GCNT1: variants seen among roughly 807,000 people sequenced by gnomAD.
GCNT1 encodes glucosaminyl (N-acetyl) transferase 1.
Under a neutral mutation model 26.2 loss-of-function variants are expected in GCNT1, and 16 were observed. The observed-to-expected ratio is 0.61, with a 90% confidence interval of 0.41 to 0.93. The LOEUF is 0.93. Among genes scored for constraint, GCNT1 ranks in the 40% least tolerant of loss-of-function variants. GCNT1 has a pLI of 0.00. For synonymous variants in GCNT1, 183 were observed against 190.8 expected (o/e 0.96, Z 0.34); for missense variants, 477 against 526.7 (o/e 0.91, Z 0.92).
chr9:76,477,585 A>C (rs1399855204), intron 2 of GCNT1, among the ~76,000 whole-genome samples: 1 of 152,136 alleles, frequency 6.6e-6, no homozygotes, highest in Non-Finnish European at 1.5e-5. Flanking sequence ...CCTGCTCTGA[A>C]GGTGCATCTA....
At chr9:76,494,628 G>A (rs1824852569) in intron 2 of GCNT1, among the ~76,000 whole-genome samples, 1 of 152,148 alleles carries the variant, frequency 6.6e-6, no homozygotes, top group Non-Finnish European at 1.5e-5. Flanking sequence ...GAGTCCTGAA[G>A]TTTATACTAG....
chr9:76,442,613 A>G (rs1336915000), intron 1 of GCNT1, among the ~76,000 whole-genome samples: 33 of 152,156 alleles, frequency 2.2e-4, no homozygotes, highest in Non-Finnish European at 2.9e-5. Flanking sequence ...CCCGTGAGGC[A>G]GAGGTTGCAG....
At chr9:76,470,809 C>T (rs1329105510) in intron 2 of GCNT1, among the ~76,000 whole-genome samples, 1 of 151,996 alleles carries the variant, frequency 6.6e-6, no homozygotes, top group Non-Finnish European at 1.5e-5. Context: ...GTGCAATTTG[C>T]AGACGTCTTC....
chr9:76,463,481 T>G (rs1407325945), intron 2 of GCNT1, among the ~76,000 whole-genome samples: 18 of 152,200 alleles, frequency 1.2e-4, no homozygotes, highest in Admixed American at 1.2e-3. Context: ...CTTCCTTGAT[T>G]GTTCTTCTGT....
chr9:76,468,638 C>G (rs962251730), intron 2 of GCNT1, among the ~76,000 whole-genome samples: 1 of 152,136 alleles, frequency 6.6e-6, no homozygotes, highest in South Asian at 2.1e-4. Context: ...TTGCCAGATA[C>G]GTAAGAGTGG....
chr9:76,468,721 T>C (rs1472128079), intron 2 of GCNT1, among the ~76,000 whole-genome samples: 1 of 152,176 alleles, frequency 6.6e-6, no homozygotes, highest in East Asian at 1.9e-4. Flanking sequence ...CTTTCCAATT[T>C]TGCTATGCCT....
At position 76,496,652 on chromosome 9, in the gene GCNT1, TC is replaced by T. The variant is rs532949561; in HGVS notation, c.-289-4261del. Among the ~76,000 whole-genome samples, 8 of 152,314 alleles carry T rather than the reference TC, an allele frequency of 5.3e-5. No homozygotes were observed. In the South Asian group the frequency reaches 1.7e-3, roughly 32 times the overall value. On this transcript the variant is annotated intron_variant, in intron 2 of 3. Coordinates refer to ENST00000376730, the MANE Select transcript of GCNT1 (RefSeq NM_001490.5). ...GGGCACCTGATACCTATCTTCTTTTTCCCTTCCTTGACTAGCTTTCCTTCTT... is the reference window on the plus strand; with the variant it reads ...GGGCACCTGATACCTATCTTCTTTTTCCTTCCTTGACTAGCTTTCCTTCTT...
At chr9:76,427,907 G>A (rs1203734294) in intron 1 of GCNT1, among the ~76,000 whole-genome samples, 1 of 152,084 alleles carries the variant, frequency 6.6e-6, no homozygotes, top group African/African-American at 2.4e-5. Flanking sequence ...GCTTGAACCC[G>A]GGAGGTGGAA....
At chr9:76,414,608 T>A in the GCNT1 span, among the ~76,000 whole-genome samples, 1 of 152,208 alleles carries the variant, frequency 6.6e-6, no homozygotes, top group East Asian at 1.9e-4. Context: ...AGAAAAAGGA[T>A]GAAGAGTTTC....
intron 2 of GCNT1, among the ~76,000 whole-genome samples, chr9:76,475,127 A>G (rs1242397758): frequency 6.6e-6 from 1 of 152,110 alleles, no homozygotes; most frequent in Non-Finnish European, 1.5e-5. Context: ...ACATCATCTC[A>G]CATACCTCTT....
chr9:76,499,288 C>T (rs766344030), intron 2 of GCNT1, among the ~76,000 whole-genome samples: 17 of 152,008 alleles, frequency 1.1e-4, no homozygotes, highest in Middle Eastern at 3.4e-3. Context: ...CCACTACGCC[C>T]GGCTAATTTT....
intron 2 of GCNT1, among the ~76,000 whole-genome samples, chr9:76,471,235 A>G (rs996275525): frequency 3.3e-5 from 5 of 152,200 alleles, no homozygotes; most frequent in African/African-American, 7.2e-5. Flanking sequence ...CACGTTGGCC[A>G]GGGTGGTCTA....
In GCNT1 at chr9:76,502,831, T is replaced by C. The variant is rs1272595951; in HGVS notation, c.450T>C (p.Tyr150=). 1 of 1,614,152 alleles carries C rather than the reference T, an allele frequency of 6.2e-7. No individual in the cohort carries two copies. The highest frequency in any genetic ancestry group is 1.1e-5 in the South Asian group (1 of 91,086). ...CCATCTATATGCCTCAGAATTTCTA[T>C]TGCATTCATGTGGACACAAAATCCG... ...LRAIYMPQNF[Y]CIHVDTKSED... Residue 150 remains tyrosine (Y), a synonymous_variant, in exon 4 of 4, where the codon TAT becomes TAC. Transcript: ENST00000376730.
In GCNT1 at chr9:76,498,289, C is replaced by T. The variant is rs535798839; in HGVS notation, c.-289-2627C>T. 1.2e-4 allele frequency among the ~76,000 whole-genome samples: 18 copies of T among 152,206 alleles called. No homozygotes were observed. The South Asian group carries it at 3.7e-3, about 32-fold the overall frequency. ...TAATGCCATTATGAACATTTGTATA[C>T]AAGTTTTTGCGTGAATATATGTTTT... On this transcript the variant is annotated intron_variant, in intron 2 of 3. Coordinates refer to ENST00000376730, the MANE Select transcript of GCNT1 (RefSeq NM_001490.5).
intron 2 of GCNT1, among the ~76,000 whole-genome samples, chr9:76,500,118 G>A (rs1354228247): frequency 2.0e-5 from 3 of 150,712 alleles, no homozygotes; most frequent in Non-Finnish European, 3.0e-5. Context: ...CCAGACTTTT[G>A]TGTTTCTTTG....
chr9:76,438,835 T>C (rs538512641), upstream of GCNT1, among the ~76,000 whole-genome samples: 28 of 151,440 alleles, frequency 1.8e-4, no homozygotes, highest in South Asian at 5.2e-3. Flanking sequence ...TTTAAGAAAG[T>C]TTATGAATTT....
intron 1 of GCNT1, among the ~76,000 whole-genome samples, chr9:76,425,997 A>C (rs1231893275): frequency 6.6e-6 from 1 of 152,128 alleles, no homozygotes; most frequent in Non-Finnish European, 1.5e-5. Flanking sequence ...CCCAGGAGCA[A>C]TTTGGGGAGG....
chr9:76,483,114 C>T (rs1824466826), intron 2 of GCNT1, among the ~76,000 whole-genome samples: 1 of 151,874 alleles, frequency 6.6e-6, no homozygotes, highest in Non-Finnish European at 1.5e-5. Context: ...GAAATATAGT[C>T]CTACCGAAAC....
At chr9:76,467,905 T>G (rs995444983) in intron 2 of GCNT1, among the ~76,000 whole-genome samples, 6 of 129,950 alleles carry the variant, frequency 4.6e-5, no homozygotes, top group Non-Finnish European at 8.1e-5. Context: ...GTGTTTTTTT[T>G]TTTTTTTTTT....
Sources: gnomAD v4.1 joint callset for allele counts (sites outside exome capture counted in the v4.1 genomes callset) on GRCh38, gnomAD v4.1.1 for gene constraint, MANE v1.5 for transcripts, NCBI Gene and HGNC (gene_info 2026-07-23, HGNC 2026-07-21) for gene names.